ARHGAP8: variants seen among roughly 807,000 people sequenced by gnomAD.
The protein encoded by ARHGAP8 is Rho GTPase activating protein 8.
Under a neutral mutation model 46.1 loss-of-function variants are expected in ARHGAP8, and 62 were observed. That is an observed-to-expected ratio of 1.34 (90% CI 1.10 to 1.66). The LOEUF is 1.66. ARHGAP8 is among the 40% of genes most tolerant of loss of function. ARHGAP8 has a pLI of 0.00. For missense variants in ARHGAP8, 923 were observed against 568.4 expected, an observed-to-expected ratio of 1.62 and a Z score of -6.34; for synonymous variants, 375 against 243.1, an observed-to-expected ratio of 1.54 and a Z score of -5.05.
intron 10 of ARHGAP8, among the ~76,000 whole-genome samples, chr22:44,859,500 C>A (rs145020925): frequency 1.3e-5 from 2 of 152,150 alleles, no homozygotes; most frequent in Admixed American, 6.5e-5. Flanking sequence ...AACCATGAGC[C>A]AGTTAAACCT....
At chr22:44,851,156 G>A (rs967483927) in intron 10 of ARHGAP8, among the ~76,000 whole-genome samples, 4 of 152,008 alleles carry the variant, frequency 2.6e-5, no homozygotes, top group East Asian at 1.9e-4. Context: ...CACTGCCTCC[G>A]GTCATAAAGA....
At chr22:44,796,730 C>T (rs1001870787) in intron 2 of ARHGAP8, among the ~76,000 whole-genome samples, 2 of 152,312 alleles carry the variant, frequency 1.3e-5, no homozygotes, top group Admixed American at 6.5e-5. Flanking sequence ...TTACCCTGCG[C>T]GTCTCTTCCT....
intron 1 of ARHGAP8, among the ~76,000 whole-genome samples, chr22:44,760,059 G>A (rs867124044): frequency 7.9e-5 from 12 of 152,194 alleles, no homozygotes; most frequent in Middle Eastern, 3.2e-3. Flanking sequence ...CGGTTTGTGG[G>A]CAGGCCTCTG....
At chr22:44,777,517 CT>C (rs1367345061) in intron 1 of ARHGAP8, among the ~76,000 whole-genome samples, 1 of 152,006 alleles carries the variant, frequency 6.6e-6, no homozygotes, top group Non-Finnish European at 1.5e-5. Context: ...ACTTTCGCCC[CT>C]GAGCAGGGTC....
At chr22:44,807,414 G>A (rs1325318428) in intron 3 of ARHGAP8, among the ~76,000 whole-genome samples, 2 of 148,468 alleles carry the variant, frequency 1.3e-5, no homozygotes, top group Non-Finnish European at 3.0e-5. Flanking sequence ...GGTGGCGGGC[G>A]ACAGACGCAG....
chr22:44,853,740 C>G (rs1051129367), intron 10 of ARHGAP8, among the ~76,000 whole-genome samples: 2 of 152,000 alleles, frequency 1.3e-5, no homozygotes, highest in African/African-American at 4.8e-5. Context: ...AAAAATTTGC[C>G]ATCAGGGCCA....
At chr22:44,807,004 T>A in intron 3 of ARHGAP8, among the ~76,000 whole-genome samples, 1 of 150,878 alleles carries the variant, frequency 6.6e-6, no homozygotes, top group East Asian at 1.9e-4. Flanking sequence ...GAAGCTGGCA[T>A]CCTTGGTCTC....
Position 44,780,313 on chromosome 22 carries a change from C to T in ARHGAP8, c.-71-6144C>T, listed in dbSNP as rs966541866. 8.6e-5 allele frequency among the ~76,000 whole-genome samples: 13 copies of T among 151,924 alleles called. No homozygotes were observed. In the South Asian group the frequency reaches 1.0e-3, roughly 12 times the overall value. ...CCAAGGCTGCAGTGAGCTGTGATTGCGCCACTGCACTCCAGCCTGGGCTAC... is the reference window on the plus strand; with the variant it reads ...CCAAGGCTGCAGTGAGCTGTGATTGTGCCACTGCACTCCAGCCTGGGCTAC... On this transcript the variant is annotated intron_variant, in intron 1 of 11. Transcript: ENST00000356099.
At chr22:44,783,081 G>C (rs1359599501) in intron 1 of ARHGAP8, among the ~76,000 whole-genome samples, 1 of 98,252 alleles carries the variant, frequency 1.0e-5, no homozygotes, top group African/African-American at 4.0e-5. Context: ...CCCTCCCTCT[G>C]GGCCAGGCTG....
At chr22:44,835,865 T>C (rs920781720) in intron 7 of ARHGAP8, among the ~76,000 whole-genome samples, 3 of 152,284 alleles carry the variant, frequency 2.0e-5, no homozygotes, top group African/African-American at 7.2e-5. Flanking sequence ...TTCTAGTCTC[T>C]TTTTTCCTGT....
At chr22:44,852,793 T>C (rs192563028) in intron 10 of ARHGAP8, among the ~76,000 whole-genome samples, 1 of 152,150 alleles carries the variant, frequency 6.6e-6, no homozygotes, top group East Asian at 1.9e-4. Context: ...ATTTTTTTTA[T>C]TTTGTTTTTT....
chr22:44,768,449 A>G (rs1265086395), intron 1 of ARHGAP8, among the ~76,000 whole-genome samples: 1 of 147,382 alleles, frequency 6.8e-6, no homozygotes, highest in Non-Finnish European at 1.5e-5. Context: ...ACAGGTGCAC[A>G]CCACCACACT....
At chr22:44,754,514 C>G (rs1440615192) in intron 1 of ARHGAP8, among the ~76,000 whole-genome samples, 2 of 152,066 alleles carry the variant, frequency 1.3e-5, no homozygotes, top group African/African-American at 4.8e-5. Flanking sequence ...CACCACCACA[C>G]CCAGCTAATT....
At chr22:44,862,125 G>C (rs1601541158) in intron 11 of ARHGAP8, 150 bp from the exon 12 acceptor site, 2 of 891,490 alleles carry the variant, frequency 2.2e-6, no homozygotes, top group Non-Finnish European at 1.6e-6. Context: ...GTGGGCAGGT[G>C]GCTGCACAGG....
chr22:44,812,770 AGTT>A (rs778172392), intron 4 of ARHGAP8, among the ~76,000 whole-genome samples: 6 of 152,086 alleles, frequency 3.9e-5, no homozygotes, highest in Non-Finnish European at 8.8e-5. Flanking sequence ...TGCTTGGCTT[AGTT>A]GTTCATATGA....
chr22:44,770,780 A>T (rs1290375043), intron 1 of ARHGAP8, among the ~76,000 whole-genome samples: 2 of 152,350 alleles, frequency 1.3e-5, no homozygotes, highest in Middle Eastern at 6.8e-3. Context: ...GACCTCCAGG[A>T]CAATGGCTGG....
chr22:44,757,754 T>G (rs1450985694), intron 1 of ARHGAP8, among the ~76,000 whole-genome samples: 1 of 151,642 alleles, frequency 6.6e-6, no homozygotes, highest in Admixed American at 6.6e-5. Context: ...TTCTCGTGCC[T>G]CAGCCTCCGG....
chr22:44,845,407 TG>T, intron 8 of ARHGAP8, 65 bp downstream of exon 8: 18 of 1,606,960 alleles, frequency 1.1e-5, no homozygotes, highest in Non-Finnish European at 1.5e-5. Flanking sequence ...CTGGGTGGTT[TG>T]TCTTGGATCC....
chr22:44,819,894 C>A (rs1448246803), intron 5 of ARHGAP8, among the ~76,000 whole-genome samples: 1 of 152,160 alleles, frequency 6.6e-6, no homozygotes, highest in Admixed American at 6.6e-5. Flanking sequence ...TGTGGTTCTA[C>A]CCCTCATTCT....
Sources: gnomAD v4.1 joint callset for allele counts (sites outside exome capture counted in the v4.1 genomes callset) on GRCh38, gnomAD v4.1.1 for gene constraint, MANE v1.5 for transcripts, NCBI Gene and HGNC (gene_info 2026-07-23, HGNC 2026-07-21) for gene names.